B3GALT1: variants seen among roughly 807,000 people sequenced by gnomAD.
The protein encoded by B3GALT1 is UDP-Gal:betaGlcNAc beta 1,3-galactosyltransferase, polypeptide 1.
Under a neutral mutation model 23.2 loss-of-function variants are expected in B3GALT1, and 10 were observed. That is an observed-to-expected ratio of 0.43 (90% CI 0.27 to 0.73). The LOEUF (loss-of-function observed/expected upper bound fraction) is 0.73, where lower values mean the gene tolerates loss of function less well. B3GALT1 is among the 30% of genes least tolerant of loss of function. The probability of loss-of-function intolerance (pLI) is 0.21; values close to 1 mark genes in which losing one functional copy is unlikely to be tolerated. For missense variants in B3GALT1, 299 were observed against 405.4 expected, an observed-to-expected ratio of 0.74 and a Z score of 2.25; for synonymous variants, 156 against 141.5, an observed-to-expected ratio of 1.10 and a Z score of -0.73.
chr2:167,301,910 G>A (rs1696453501), intron 1 of B3GALT1, among the ~76,000 whole-genome samples: 1 of 152,110 alleles, frequency 6.6e-6, no homozygotes, highest in South Asian at 2.1e-4. Context: ...AGGGAAAAAT[G>A]TCTCCTCAAT....
intron 2 of B3GALT1, among the ~76,000 whole-genome samples, chr2:167,509,667 G>A (rs560033212): frequency 6.6e-6 from 1 of 152,124 alleles, no homozygotes; most frequent in African/African-American, 2.4e-5. Flanking sequence ...ACCTTGACAC[G>A]AGAGAATGCC....
chr2:167,470,126 G>A (rs1022980772), intron 1 of B3GALT1, among the ~76,000 whole-genome samples: 2 of 151,980 alleles, frequency 1.3e-5, no homozygotes, highest in African/African-American at 4.8e-5. Context: ...CATCTCACCA[G>A]CTTCAAACCC....
chr2:167,408,494 C>T (rs1037724747), intron 1 of B3GALT1, among the ~76,000 whole-genome samples: 1 of 151,984 alleles, frequency 6.6e-6, no homozygotes, highest in African/African-American at 2.4e-5. Context: ...TTTTATTGAA[C>T]ATACTACTGG....
chr2:167,563,297 G>T (rs1450732608), intron 2 of B3GALT1, among the ~76,000 whole-genome samples: 1 of 124,816 alleles, frequency 8.0e-6, no homozygotes, highest in Non-Finnish European at 1.6e-5. Flanking sequence ...CTTCCCAGTA[G>T]GGGCGGCCGG....
chr2:167,707,069 T>TG (rs1249376753), intron 3 of B3GALT1, among the ~76,000 whole-genome samples: 1 of 151,896 alleles, frequency 6.6e-6, no homozygotes, highest in Non-Finnish European at 1.5e-5. Context: ...AGGGAATGAG[T>TG]TCCCAAGCCC....
chr2:167,543,088 T>C (rs1222798726), intron 2 of B3GALT1, among the ~76,000 whole-genome samples: 1 of 152,148 alleles, frequency 6.6e-6, no homozygotes, highest in South Asian at 2.1e-4. Context: ...AAGGGAAATA[T>C]ATACTAATTA....
chr2:167,327,296 A>G (rs908933961), intron 1 of B3GALT1, among the ~76,000 whole-genome samples: 16 of 152,160 alleles, frequency 1.1e-4, no homozygotes, highest in African/African-American at 3.9e-4. Flanking sequence ...GAAAAATGAC[A>G]TTGGTATTTT....
At chr2:167,370,275 T>C (rs1386786818) in intron 1 of B3GALT1, among the ~76,000 whole-genome samples, 1 of 152,242 alleles carries the variant, frequency 6.6e-6, no homozygotes, top group Non-Finnish European at 1.5e-5. Context: ...CTGTTGTGCC[T>C]GTACACAAGA....
intron 2 of B3GALT1, among the ~76,000 whole-genome samples, chr2:167,636,333 T>C (rs1054077459): frequency 6.6e-6 from 1 of 151,790 alleles, no homozygotes; most frequent in Non-Finnish European, 1.5e-5. Flanking sequence ...TTCACCAAGC[T>C]GAAGATATGC....
Position 167,682,666 on chromosome 2 carries a change from G to A in B3GALT1, c.-352+35700G>A, listed in dbSNP as rs569205537. 3.5e-3 allele frequency among the ~76,000 whole-genome samples: 535 copies of A among 152,252 alleles called. 2 individuals carry two copies. Among genetic ancestry groups the A allele is most frequent in the Middle Eastern group, 0.01 (3 of 292 alleles). ...TGGGGATCCAGCCCAGCATGGCTGG[G>A]GTGCCCTCTGTCCTAGTGTCCTTCT... On this transcript the variant is annotated intron_variant, in intron 3 of 4. Transcript: ENST00000392690.
At position 167,869,306 on chromosome 2, in the gene B3GALT1, G is replaced by A; in HGVS notation, c.267G>A (p.Lys89=). 6.2e-7 allele frequency: 1 copy of A among 1,614,140 alleles called. No homozygotes were observed. The highest frequency in any genetic ancestry group is 8.5e-7 in the Non-Finnish European group (1 of 1,180,032). The change falls in exon 5 of 5, where the codon AAG becomes AAA. Residue 89 remains lysine, a synonymous_variant. Transcript: ENST00000392690. This position sits in a 1 kb window ranked among gnomAD's most constrained non-coding sequence, Gnocchi z 6.4. Reference sequence around the variant, plus strand: ...TTATCCTCATCAGCACCACTCACAAGGAATTTGATGCCCGTCAGGCAATCA... The same window carrying A: ...TTATCCTCATCAGCACCACTCACAAAGAATTTGATGCCCGTCAGGCAATCA... ...FLVILISTTH[K]EFDARQAIRE...
intron 1 of B3GALT1, among the ~76,000 whole-genome samples, chr2:167,347,483 T>C (rs188661250): frequency 5.9e-5 from 9 of 152,334 alleles, no homozygotes; most frequent in African/African-American, 2.2e-4. Flanking sequence ...TATCAGATCA[T>C]CTTTCCAACT....
At chr2:167,831,074 C>T (rs1373299138) in intron 4 of B3GALT1, among the ~76,000 whole-genome samples, 1 of 152,196 alleles carries the variant, frequency 6.6e-6, no homozygotes, top group East Asian at 1.9e-4. Context: ...ATAACTGTCA[C>T]ATAGCCCCAA....
chr2:167,615,321 C>T (rs867411847), intron 2 of B3GALT1, among the ~76,000 whole-genome samples: 1 of 151,398 alleles, frequency 6.6e-6, no homozygotes, highest in Admixed American at 6.6e-5. Flanking sequence ...ATATGTAGAA[C>T]CTGAAAAAAT....
chr2:167,622,906 A>G (rs1347690954), intron 2 of B3GALT1, among the ~76,000 whole-genome samples: 1 of 152,120 alleles, frequency 6.6e-6, no homozygotes, highest in Admixed American at 6.6e-5. Context: ...AAAAATGACT[A>G]TGGAGTGTGA....
intron 1 of B3GALT1, among the ~76,000 whole-genome samples, chr2:167,413,457 T>G (rs909606424): frequency 6.6e-6 from 1 of 152,016 alleles, no homozygotes; most frequent in Non-Finnish European, 1.5e-5. Context: ...CAGAAGAGGG[T>G]ATGATAAAAT....
chr2:167,495,673 C>T (rs537538673), intron 2 of B3GALT1, among the ~76,000 whole-genome samples: 1 of 152,136 alleles, frequency 6.6e-6, no homozygotes, highest in South Asian at 2.1e-4. Context: ...AGCCCTATAC[C>T]CCTTCCCCAG....
chr2:167,589,158 T>C (rs1000199077), intron 2 of B3GALT1, among the ~76,000 whole-genome samples: 2 of 152,062 alleles, frequency 1.3e-5, no homozygotes, highest in Non-Finnish European at 2.9e-5. Context: ...ATTGCCCAGG[T>C]TGGTCTCAAA....
At chr2:167,638,002 A>G (rs1685588551) in intron 2 of B3GALT1, among the ~76,000 whole-genome samples, 1 of 151,990 alleles carries the variant, frequency 6.6e-6, no homozygotes, top group Admixed American at 6.6e-5. Context: ...CAGAATCAGC[A>G]AAGCTGCTTC....
Sources: allele counts gnomAD v4.1 joint callset (sites outside exome capture counted in the v4.1 genomes callset), GRCh38; gene constraint gnomAD v4.1.1; non-coding constraint Gnocchi (gnomAD v3.1); transcripts MANE v1.5; gene names NCBI Gene and HGNC (gene_info 2026-07-23, HGNC 2026-07-21).